Variants in C1orf21 observed in about 807,000 individuals in gnomAD.
The protein encoded by C1orf21 is uncharacterized protein C1orf21.
Under a neutral mutation model 18.7 loss-of-function variants are expected in C1orf21, and 3 were observed. The ratio of observed to expected loss-of-function variants is 0.16; its 90% CI spans 0.07 to 0.42. The LOEUF is 0.42. Ranked by LOEUF, C1orf21 falls within the 10% of genes least tolerant of loss-of-function variation. The pLI, the probability that C1orf21 is intolerant of heterozygous loss-of-function variation, is 0.99. For missense variants in C1orf21, 104 were observed against 143.6 expected (o/e 0.72, Z 1.41); for synonymous variants, 41 against 46.4 (o/e 0.88, Z 0.47).
intron 1 of C1orf21, among the ~76,000 whole-genome samples, chr1:184,474,872 A>T (rs1429883247): frequency 6.6e-6 from 1 of 152,134 alleles, no homozygotes; most frequent in Non-Finnish European, 1.5e-5. Context: ...CTGGGAGCCC[A>T]CGCCTGTTAC....
intron 1 of C1orf21, among the ~76,000 whole-genome samples, chr1:184,427,071 C>G (rs560044644): frequency 6.6e-6 from 1 of 152,246 alleles, no homozygotes; most frequent in Admixed American, 6.5e-5. Context: ...GAATCCAGCT[C>G]TTATTTTACC....
intron 1 of C1orf21, among the ~76,000 whole-genome samples, chr1:184,425,468 C>T (rs894339184): frequency 2.6e-5 from 4 of 151,870 alleles, no homozygotes; most frequent in Non-Finnish European, 5.9e-5. Flanking sequence ...CTCTGTGGTA[C>T]CCAGGCTGAT....
chr1:184,605,689 C>T (rs1043143337), intron 5 of C1orf21, among the ~76,000 whole-genome samples: 2 of 152,208 alleles, frequency 1.3e-5, no homozygotes, highest in Non-Finnish European at 2.9e-5. Context: ...CTGGCAGCAG[C>T]TGTGTGACCC....
At chr1:184,585,793 A>G (rs544680897) in intron 3 of C1orf21, among the ~76,000 whole-genome samples, 3 of 152,356 alleles carry the variant, frequency 2.0e-5, no homozygotes, top group Non-Finnish European at 4.4e-5. Flanking sequence ...TGCAAAGGAC[A>G]TGACCTCATT....
intron 1 of C1orf21, among the ~76,000 whole-genome samples, chr1:184,425,456 C>T (rs753892768): frequency 6.6e-6 from 1 of 151,826 alleles, no homozygotes; most frequent in Non-Finnish European, 1.5e-5. Context: ...GAGACGAGGT[C>T]TCTCTGTGGT....
intron 1 of C1orf21, among the ~76,000 whole-genome samples, chr1:184,432,861 G>A (rs1656787091): frequency 6.6e-6 from 1 of 152,050 alleles, no homozygotes; most frequent in Admixed American, 6.6e-5. Flanking sequence ...GAAGGAAAAG[G>A]GAATATAGAA....
intron 3 of C1orf21, among the ~76,000 whole-genome samples, chr1:184,559,505 C>CCTT (rs1553256430): frequency 2.4e-3 from 115 of 47,868 alleles, no homozygotes; most frequent in Non-Finnish European, 3.1e-3. Context: ...CTTCCTTCCC[C>CCTT]CCTTCCTTCC....
intron 3 of C1orf21, among the ~76,000 whole-genome samples, chr1:184,589,748 T>TA (rs1659411097): frequency 6.6e-6 from 1 of 152,198 alleles, no homozygotes. Flanking sequence ...ACAACTAGAA[T>TA]ATGTAAGTCA....
chr1:184,478,520 A>G (rs1430272106), intron 2 of C1orf21, among the ~76,000 whole-genome samples: 1 of 152,216 alleles, frequency 6.6e-6, no homozygotes, highest in Non-Finnish European at 1.5e-5. Context: ...ATAGGTCTTC[A>G]TTCCTTGAGA....
At chr1:184,437,202 C>CCTGTA (rs1314948789) in intron 1 of C1orf21, among the ~76,000 whole-genome samples, 2 of 152,080 alleles carry the variant, frequency 1.3e-5, no homozygotes, top group East Asian at 3.9e-4. Context: ...CTCGTACCCC[C>CCTGTA]CTACATTTCA....
At chr1:184,616,645 A>C (rs1659827815) in intron 5 of C1orf21, among the ~76,000 whole-genome samples, 1 of 151,962 alleles carries the variant, frequency 6.6e-6, no homozygotes, top group Non-Finnish European at 1.5e-5. Flanking sequence ...TGAGAACACC[A>C]CCTTTCATGT....
chr1:184,590,942 A>C, intron 4 of C1orf21, 127 bp downstream of exon 4: 1 of 905,786 alleles, frequency 1.1e-6, no homozygotes, highest in Non-Finnish European at 1.7e-6. Flanking sequence ...GTTCCAAAAA[A>C]CAAAATTTGA....
chr1:184,420,361 G>A (rs866370858), intron 1 of C1orf21, among the ~76,000 whole-genome samples: 2 of 152,154 alleles, frequency 1.3e-5, no homozygotes, highest in Middle Eastern at 3.4e-3. Flanking sequence ...CGTAAGACAT[G>A]GGATTTCATT....
intron 2 of C1orf21, among the ~76,000 whole-genome samples, chr1:184,489,194 A>C (rs1344721738): frequency 6.6e-6 from 1 of 152,194 alleles, no homozygotes; most frequent in Non-Finnish European, 1.5e-5. Flanking sequence ...TAATATTTGC[A>C]ATACAACTGA....
chr1:184,466,305 G>A (rs1657397671), intron 1 of C1orf21, among the ~76,000 whole-genome samples: 1 of 152,112 alleles, frequency 6.6e-6, no homozygotes, highest in Non-Finnish European at 1.5e-5. Context: ...TGGTAGGTAC[G>A]GTCTAAAGAC....
chr1:184,468,369 C>T (rs1657438618), intron 1 of C1orf21, among the ~76,000 whole-genome samples: 3 of 151,918 alleles, frequency 2.0e-5, no homozygotes, highest in Non-Finnish European at 4.4e-5. Context: ...ACATCAGTCT[C>T]TCATGGATAA....
intron 5 of C1orf21, among the ~76,000 whole-genome samples, chr1:184,616,925 T>C (rs939308787): frequency 2.0e-5 from 3 of 152,066 alleles, no homozygotes; most frequent in Admixed American, 1.3e-4. Flanking sequence ...CTGTCTGGAG[T>C]GCAAGGCTGA....
intron 1 of C1orf21, among the ~76,000 whole-genome samples, chr1:184,425,151 G>A (rs900868152): frequency 1.5e-4 from 23 of 152,080 alleles, no homozygotes; most frequent in Admixed American, 6.5e-5. Context: ...GTGATGTAAT[G>A]TTCTTAGATG....
At chr1:184,418,510 G>A (rs865814473) in intron 1 of C1orf21, among the ~76,000 whole-genome samples, 1 of 152,168 alleles carries the variant, frequency 6.6e-6, no homozygotes, top group African/African-American at 2.4e-5. Flanking sequence ...CACTGTGCCC[G>A]GCGAAGTTAT....
Sources: gnomAD v4.1 joint callset for allele counts (sites outside exome capture counted in the v4.1 genomes callset) on GRCh38, gnomAD v4.1.1 for gene constraint, MANE v1.5 for transcripts, NCBI Gene and HGNC (gene_info 2026-07-23, HGNC 2026-07-21) for gene names.